The following ADGRL3 variants were observed in gnomAD, a reference collection of about 807,000 sequenced individuals.
ADGRL3 encodes the protein adhesion G protein-coupled receptor L3, also known as calcium-independent alpha-latrotoxin receptor 3.
A neutral mutation model predicts 153.5 loss-of-function variants in ADGRL3; 62 were observed. The observed-to-expected ratio is 0.40, with a 90% CI of 0.33 to 0.50. The LOEUF is 0.50. Ranked by LOEUF, ADGRL3 falls within the 20% of genes least tolerant of loss-of-function variation. ADGRL3 has a pLI of 0.47. For synonymous variants in ADGRL3, 710 were observed against 672.5 expected, an observed-to-expected ratio of 1.06 and a Z score of -0.86; for missense variants, 1,641 against 1,859.4, an observed-to-expected ratio of 0.88 and a Z score of 2.16.
intron 5 of ADGRL3, among the ~76,000 whole-genome samples, chr4:61,616,271 T>A (rs1480705424): frequency 6.6e-6 from 1 of 152,184 alleles, no homozygotes; most frequent in Admixed American, 6.5e-5. Context: ...AGCAGTGTCT[T>A]ACTGAAAATA....
intron 2 of ADGRL3, among the ~76,000 whole-genome samples, chr4:61,486,459 G>A (rs1324990734): frequency 6.6e-6 from 1 of 152,070 alleles, no homozygotes; most frequent in Non-Finnish European, 1.5e-5. Flanking sequence ...TAGGTGTAAG[G>A]CTTATTAGTC....
At chr4:61,718,522 T>G (rs2096172110) in intron 6 of ADGRL3, among the ~76,000 whole-genome samples, 1 of 152,176 alleles carries the variant, frequency 6.6e-6, no homozygotes, top group South Asian at 2.1e-4. Context: ...AAAGTTGAAT[T>G]TTTTTACAAA....
Position 62,053,041 on chromosome 4 carries a change from C to G in ADGRL3, c.3814+8492C>G, listed in dbSNP as rs561886634. On this transcript the variant is annotated intron_variant, in intron 25 of 26. Transcript: ENST00000683033. ...TGTGTCTCTCATCTGGAAAAATGTT[C>G]CTGCTAATATTGTAAACATAAAGGT... is the stretch of plus-strand genomic sequence containing the variant. 1.1e-4 allele frequency among the ~76,000 whole-genome samples: 16 copies of G among 151,252 alleles called. No homozygotes were observed. In the South Asian group the frequency reaches 1.2e-3, roughly 12 times the overall value.
At chr4:61,712,056 T>A (rs1476984583) in intron 6 of ADGRL3, among the ~76,000 whole-genome samples, 1 of 152,138 alleles carries the variant, frequency 6.6e-6, no homozygotes, top group Non-Finnish European at 1.5e-5. Flanking sequence ...TTTCATTCCA[T>A]ACTCAGTTAC....
At chr4:61,899,406 T>C (rs2098651090) in intron 11 of ADGRL3, among the ~76,000 whole-genome samples, 1 of 152,102 alleles carries the variant, frequency 6.6e-6, no homozygotes, top group African/African-American at 2.4e-5. Context: ...ATCTTTAATG[T>C]TTCATTCTCC....
At chr4:61,871,244 C>G (rs2098443708) in intron 9 of ADGRL3, among the ~76,000 whole-genome samples, 1 of 151,052 alleles carries the variant, frequency 6.6e-6, no homozygotes. Context: ...CACCACTGCA[C>G]TCCAGCCTGG....
intron 4 of ADGRL3, among the ~76,000 whole-genome samples, chr4:61,558,629 A>ATCTG (rs1175965097): frequency 6.6e-6 from 1 of 151,792 alleles, no homozygotes; most frequent in East Asian, 1.9e-4. Flanking sequence ...TCAATCATCT[A>ATCTG]TCTGTCTGTC....
chr4:61,839,071 G>C (rs958321716), intron 9 of ADGRL3, among the ~76,000 whole-genome samples: 1 of 152,116 alleles, frequency 6.6e-6, no homozygotes, highest in African/African-American at 2.4e-5. Context: ...GGAAGAAAGG[G>C]AGCGTGTACT....
At chr4:62,009,071 A>G (rs891793101) in intron 21 of ADGRL3, among the ~76,000 whole-genome samples, 2 of 152,178 alleles carry the variant, frequency 1.3e-5, no homozygotes, top group East Asian at 1.9e-4. Context: ...AGAACACTCT[A>G]TAATCACACT....
intron 22 of ADGRL3, among the ~76,000 whole-genome samples, chr4:62,030,498 G>A (rs1416571231): frequency 6.6e-6 from 1 of 151,536 alleles, no homozygotes; most frequent in African/African-American, 2.4e-5. Context: ...TCTGTTGCAA[G>A]AACATTTTAT....
chr4:61,474,943 A>G (rs900451441), intron 2 of ADGRL3, among the ~76,000 whole-genome samples: 1 of 152,168 alleles, frequency 6.6e-6, no homozygotes, highest in Non-Finnish European at 1.5e-5. Context: ...TTAAATTACT[A>G]CTGCCCAATT....
chr4:61,615,740 TG>T (rs971508898), intron 5 of ADGRL3, among the ~76,000 whole-genome samples: 6 of 152,106 alleles, frequency 3.9e-5, no homozygotes, highest in African/African-American at 1.4e-4. Flanking sequence ...ATTTATGACT[TG>T]CATTGAAAAC....
chr4:61,809,637 C>G (rs576659389), intron 8 of ADGRL3, among the ~76,000 whole-genome samples: 1 of 152,124 alleles, frequency 6.6e-6, no homozygotes, highest in South Asian at 2.1e-4. Context: ...CTCCCATTGA[C>G]CTTAGCATCT....
In ADGRL3 at chr4:62,070,228, A is replaced by G. The variant is rs1278134686; in HGVS notation, c.3952A>G (p.Ile1318Val). 1 of 1,613,754 alleles carries G rather than the reference A, an allele frequency of 6.2e-7. No homozygotes were observed. The highest frequency in any genetic ancestry group is 8.5e-7 in the Non-Finnish European group (1 of 1,179,932). Residue 1318 changes from isoleucine to valine, a missense_variant, in exon 27 of 27, where the codon ATA (isoleucine) becomes GTA (valine). This residue lies in a region of ADGRL3 where 517 missense variants were observed against 555.0 expected (regional missense o/e 0.93). Coordinates refer to ENST00000683033, the MANE Select transcript of ADGRL3 (RefSeq NM_001387552.1). ...ATACCTGAGCAACTGTGTGCAAATC[A>G]TAGACCGTGGCTATAACCATAACGA... is the stretch of plus-strand genomic sequence containing the variant. The part of the protein sequence containing the change: ...GEYLSNCVQI[I>V]DRGYNHNETA...
At chr4:61,992,715 AAAATTTT>A (rs1166612624) in intron 19 of ADGRL3, among the ~76,000 whole-genome samples, 1 of 152,240 alleles carries the variant, frequency 6.6e-6, no homozygotes, top group Non-Finnish European at 1.5e-5. Context: ...AAATAGATAT[AAAATTTT>A]TTCTCAAAGA....
intron 21 of ADGRL3, among the ~76,000 whole-genome samples, chr4:62,003,411 A>T (rs552563211): frequency 6.6e-6 from 1 of 152,130 alleles, no homozygotes; most frequent in Non-Finnish European, 1.5e-5. Flanking sequence ...GGAGAGTAAT[A>T]ACTTGAGTGT....
At chr4:62,001,833 T>A (rs1054187240) in intron 21 of ADGRL3, among the ~76,000 whole-genome samples, 1 of 152,122 alleles carries the variant, frequency 6.6e-6, no homozygotes. Flanking sequence ...CAAAAATGTT[T>A]GTAAAATGGT....
At position 61,719,337 on chromosome 4, in the gene ADGRL3, A is replaced by G. The variant is rs74674241; in HGVS notation, c.584-11285A>G. Reference sequence around the variant, plus strand: ...ATAAGTAGAAACCATTCACTATCCAATTAAGTATATTTGGTTAAGCCAATG... The same window carrying G: ...ATAAGTAGAAACCATTCACTATCCAGTTAAGTATATTTGGTTAAGCCAATG... On this transcript the variant is annotated intron_variant, in intron 6 of 26. Coordinates refer to ENST00000683033, the MANE Select transcript of ADGRL3 (RefSeq NM_001387552.1). 9.1e-3 allele frequency among the ~76,000 whole-genome samples: 1,379 copies of G among 152,272 alleles called. 30 individuals are homozygous for G. The highest frequency in any genetic ancestry group is 0.031 in the African/African-American group (1,308 of 41,558).
intron 15 of ADGRL3, among the ~76,000 whole-genome samples, chr4:61,940,124 C>G (rs1383370686): frequency 1.9e-5 from 2 of 107,756 alleles, no homozygotes; most frequent in Admixed American, 2.0e-4. Context: ...TATTCCCCTT[C>G]CTGTGTCCAT....
Sources: allele counts gnomAD v4.1 joint callset (sites outside exome capture counted in the v4.1 genomes callset), GRCh38; gene constraint gnomAD v4.1.1; regional missense constraint gnomAD v4.1.1; transcripts MANE v1.5; gene names NCBI Gene and HGNC (gene_info 2026-07-23, HGNC 2026-07-21).